LIFR: variants seen among roughly 807,000 people sequenced by gnomAD.
The protein encoded by LIFR is leukemia inhibitory factor receptor.
LIFR carries 84 observed loss-of-function variants against 122.2 expected under a neutral mutation model. That is an observed-to-expected ratio of 0.69 (90% CI 0.58 to 0.82). The LOEUF is 0.82. Among genes scored for constraint, LIFR ranks in the 40% least tolerant of loss-of-function variants. LIFR has a pLI of 0.00. For missense variants in LIFR, 1,294 were observed against 1,311.6 expected, an observed-to-expected ratio of 0.99 and a Z score of 0.21; for synonymous variants, 422 against 434.7, an observed-to-expected ratio of 0.97 and a Z score of 0.36.
Position 38,485,865 on chromosome 5 carries a change from A to G in LIFR, c.2451T>C (p.Gly817=), listed in dbSNP as rs764154906. ...ACATACTCTTCTCCGGGCCCACTCC[A>G]CCATCTGTATAGGCTCGCAAGACCA... The part of the protein sequence containing the change: ...YHLVLRAYTD[G]GVGPEKSMYV... Residue 817 remains glycine, a synonymous_variant, in exon 17 of 20, where the codon GGT becomes GGC. Coordinates refer to ENST00000453190, the MANE Select transcript of LIFR (RefSeq NM_001127671.2). 1 of 1,614,198 alleles carries G rather than the reference A, an allele frequency of 6.2e-7. No individual in the cohort carries two copies. Among genetic ancestry groups the G allele is most frequent in the African/African-American group, 1.3e-5 (1 of 75,058 alleles).
chr5:38,510,808 G>T (rs1745760964), intron 6 of LIFR, 90 bp from the exon 7 acceptor site: 1 of 1,134,830 alleles, frequency 8.8e-7, no homozygotes, highest in Admixed American at 2.1e-5. Flanking sequence ...TTCATAAGAT[G>T]ACTTTTAAAA....
chr5:38,546,600 T>C (rs1747906997), intron 1 of LIFR, among the ~76,000 whole-genome samples: 1 of 152,230 alleles, frequency 6.6e-6, no homozygotes, highest in African/African-American at 2.4e-5. Context: ...TTCTCACCTT[T>C]CCTTACTGGT....
At chr5:38,494,266 A>AGCCCCC (rs1167090905) in intron 13 of LIFR, among the ~76,000 whole-genome samples, 18 of 152,152 alleles carry the variant, frequency 1.2e-4, no homozygotes, top group Non-Finnish European at 2.2e-4. Flanking sequence ...CAGAAGAACT[A>AGCCCCC]GCCCCCTCTT....
rs887138372 is a variant in LIFR, at chr5:38,570,691, A to G, written c.-20+24570T>C. ...AAGAGATTCAGTGACTTGCCTAATT[A>G]AAGGACAAAGTTACTTAATAACGTT... On this transcript the variant is annotated intron_variant, in intron 1 of 19. Transcript: ENST00000263409. Among the ~76,000 whole-genome samples, 4 of 152,226 alleles carry G rather than the reference A, an allele frequency of 2.6e-5. No individual in the cohort carries two copies. In the East Asian group the frequency reaches 7.7e-4, roughly 29 times the overall value.
At chr5:38,530,417 AG>A (rs1746939188) in intron 2 of LIFR, 88 bp downstream of exon 2, 2 of 1,085,534 alleles carry the variant, frequency 1.8e-6, no homozygotes, top group Non-Finnish European at 2.8e-6. Context: ...AAAATCCTAA[AG>A]GGGTCAATAA....
intron 1 of LIFR, among the ~76,000 whole-genome samples, chr5:38,535,721 G>A (rs573475482): frequency 6.6e-6 from 1 of 152,162 alleles, no homozygotes; most frequent in East Asian, 1.9e-4. Context: ...GCAGTACCTG[G>A]CACAAAGCAG....
upstream of LIFR, chr5:38,557,042 G>A (rs1286650723): frequency 6.6e-6 from 1 of 152,266 alleles, no homozygotes; most frequent in Admixed American, 6.5e-5. Context: ...AGAGGAAAGC[G>A]GGGAACCGTG....
At chr5:38,589,124 A>G (rs562329746) in intron 1 of LIFR, among the ~76,000 whole-genome samples, 1 of 151,490 alleles carries the variant, frequency 6.6e-6, no homozygotes, top group Non-Finnish European at 1.5e-5. Context: ...CAGCCTCCCA[A>G]CTAGCTGGGA....
At chr5:38,580,044 CT>C (rs1749530507) in intron 1 of LIFR, among the ~76,000 whole-genome samples, 2 of 152,240 alleles carry the variant, frequency 1.3e-5, no homozygotes, top group East Asian at 1.9e-4. Context: ...AAGCAATGCA[CT>C]TTTTTCCCCA....
chr5:38,536,651 T>C (rs983939254), intron 1 of LIFR, among the ~76,000 whole-genome samples: 1 of 152,246 alleles, frequency 6.6e-6, no homozygotes, highest in African/African-American at 2.4e-5. Flanking sequence ...TTAAATTGTT[T>C]GGACCCAGCT....
chr5:38,514,996 G>A (rs868735233), intron 5 of LIFR, among the ~76,000 whole-genome samples: 4 of 152,156 alleles, frequency 2.6e-5, no homozygotes, highest in Non-Finnish European at 4.4e-5. Flanking sequence ...CCACAAAAAT[G>A]AGGAAATAAG....
At chr5:38,504,867 A>T (rs1177290640) in intron 9 of LIFR, among the ~76,000 whole-genome samples, 1 of 152,206 alleles carries the variant, frequency 6.6e-6, no homozygotes, top group African/African-American at 2.4e-5. Context: ...ATGCTTACAA[A>T]TAAGGCAACA....
At chr5:38,588,612 G>C (rs911518063) in intron 1 of LIFR, among the ~76,000 whole-genome samples, 3 of 152,118 alleles carry the variant, frequency 2.0e-5, no homozygotes, top group Admixed American at 2.0e-4. Context: ...AGACAAATAA[G>C]TAAAGAATAA....
chr5:38,580,636 C>T (rs1749550673), intron 1 of LIFR, among the ~76,000 whole-genome samples: 1 of 152,180 alleles, frequency 6.6e-6, no homozygotes, highest in South Asian at 2.1e-4. Flanking sequence ...GTCATCTCCA[C>T]CTAACCTCAC....
intron 1 of LIFR, among the ~76,000 whole-genome samples, chr5:38,569,734 G>A (rs76581140): frequency 0.032 from 4,878 of 152,182 alleles, 239 homozygotes; most frequent in African/African-American, 0.1. Context: ...CCCTAAAATC[G>A]CACTGTTGCT....
chr5:38,528,847 GAGAC>G lies in LIFR; in HGVS notation c.143-11_143-8del, dbSNP rs775050612. ...TTCAAATCATGAGGAGCCCCTGGAGGAGACACACACACACACACACACACACACA... is the reference window on the plus strand; with the variant it reads ...TTCAAATCATGAGGAGCCCCTGGAGGACACACACACACACACACACACACA... On this transcript the variant is annotated splice_region_variant and splice_polypyrimidine_tract_variant and intron_variant, in intron 2 of 19. Coordinates refer to ENST00000453190, the MANE Select transcript of LIFR (RefSeq NM_001127671.2). The G allele has an allele frequency of 1.6e-6, 2 of 1,222,014 alleles. No individual in the cohort carries two copies. The highest frequency in any genetic ancestry group is 2.3e-6 in the Non-Finnish European group (2 of 873,132). The allele number at this position is 1,222,014 out of a possible 1,614,324, so 75.7% of individuals were successfully genotyped here.
rs528976508 is a variant in LIFR at position 38,479,595 on chromosome 5, C to T, written c.*2000G>A. 22 of 229,294 alleles carry T rather than the reference C, an allele frequency of 9.6e-5. No individual in the cohort carries two copies. The highest frequency in any genetic ancestry group is 4.0e-4 in the African/African-American group (18 of 45,278). 14.2% of individuals were successfully genotyped at this position (229,294 alleles called of 1,614,324 possible). ...CGCCGTTTAGAGCAATAAACTTTTA[C>T]TGTAGCCACACTTATCCTTGTCCTG... On this transcript the variant is annotated 3_prime_UTR_variant, in exon 20 of 20. Transcript: ENST00000453190.
chr5:38,477,847 A>G lies in LIFR; in HGVS notation c.*3748T>C, dbSNP rs144332222. 3.8e-3 allele frequency: 815 copies of G among 216,696 alleles called. 4 individuals carry two copies. The highest frequency in any genetic ancestry group is 8.7e-3 in the Middle Eastern group (6 of 688). The allele number at this position is 216,696 out of a possible 1,614,324, so 13.4% of individuals were successfully genotyped here. On this transcript the variant is annotated 3_prime_UTR_variant, in exon 20 of 20. Transcript: ENST00000453190. Reference sequence around the variant, plus strand: ...TAATAATCCCACATTTTACTCTGAGATGCCCAATTTTACACTTTCAAAATA... The same window carrying G: ...TAATAATCCCACATTTTACTCTGAGGTGCCCAATTTTACACTTTCAAAATA...
At chr5:38,495,911 T>C (rs949471880) in intron 13 of LIFR, among the ~76,000 whole-genome samples, 1 of 152,160 alleles carries the variant, frequency 6.6e-6, no homozygotes, top group Non-Finnish European at 1.5e-5. Flanking sequence ...AAGACTTTTT[T>C]TAATCAATAA....
Sources: allele counts gnomAD v4.1 joint callset (sites outside exome capture counted in the v4.1 genomes callset), GRCh38; gene constraint gnomAD v4.1.1; transcripts MANE v1.5; gene names NCBI Gene and HGNC (gene_info 2026-07-23, HGNC 2026-07-21).